The following MON2 variants were observed in gnomAD, a reference collection of about 807,000 sequenced individuals.
The protein encoded by MON2 is MON2 regulator of endosome-to-Golgi trafficking.
A neutral mutation model predicts 208.6 loss-of-function variants in MON2; 84 were observed. The observed-to-expected ratio is 0.40, with a 90% CI of 0.34 to 0.48. The LOEUF is 0.48. Among genes scored for constraint, MON2 ranks in the 20% least tolerant of loss-of-function variants. The pLI, the probability that MON2 is intolerant of heterozygous loss-of-function variation, is 0.59. For missense variants in MON2, 1,611 were observed against 2,015.4 expected (o/e 0.80, Z 3.84); for synonymous variants, 660 against 694.0 (o/e 0.95, Z 0.77).
chr12:62,519,053 C>T (rs1344280033), intron 8 of MON2, among the ~76,000 whole-genome samples: 1 of 152,098 alleles, frequency 6.6e-6, no homozygotes, highest in East Asian at 1.9e-4. Flanking sequence ...AGGAATAATT[C>T]TTATACTTTT....
At chr12:62,518,488 C>T (rs752597821) in intron 8 of MON2, among the ~76,000 whole-genome samples, 2 of 152,186 alleles carry the variant, frequency 1.3e-5, no homozygotes, top group Non-Finnish European at 2.9e-5. Context: ...ACACTTTTAA[C>T]CCCACTACAC....
chr12:62,489,009 G>T (rs191330739), intron 2 of MON2, among the ~76,000 whole-genome samples: 14 of 151,884 alleles, frequency 9.2e-5, no homozygotes, highest in Admixed American at 5.2e-4. Context: ...TAAAGAAAAA[G>T]AAATAAAAAA....
chr12:62,491,081 GTTA>G (rs1181098935), intron 2 of MON2, among the ~76,000 whole-genome samples: 1 of 152,136 alleles, frequency 6.6e-6, no homozygotes, highest in Non-Finnish European at 1.5e-5. Flanking sequence ...GGTTCTTCAT[GTTA>G]TTATCACATC....
chr12:62,478,972 A>G (rs530834536), intron 1 of MON2, among the ~76,000 whole-genome samples: 5 of 152,342 alleles, frequency 3.3e-5, no homozygotes, highest in East Asian at 1.9e-4. Flanking sequence ...GACTGGATAG[A>G]TGATGCTGCT....
chr12:62,535,719 GC>G lies in MON2; in HGVS notation c.1900+11del. The stretch of plus-strand genomic sequence containing the variant: ...ACACTTTCCAACAAATGTAAGACAG[GC>G]TTACTCAAAATTCTCTCTATGTAGT... On this transcript the variant is annotated intron_variant, in intron 14 of 34. Coordinates refer to ENST00000393630, the MANE Select transcript of MON2 (RefSeq NM_015026.3). 1 of 1,596,862 alleles carries G rather than the reference GC, an allele frequency of 6.3e-7. No homozygotes were observed. The highest frequency in any genetic ancestry group is 1.3e-5 in the African/African-American group (1 of 74,418).
intron 1 of MON2, among the ~76,000 whole-genome samples, chr12:62,474,861 T>C (rs1341139606): frequency 2.6e-5 from 4 of 152,232 alleles, no homozygotes; most frequent in Non-Finnish European, 5.9e-5. Flanking sequence ...TCATCTCTCT[T>C]TATTCACTGT....
At chr12:62,526,162 A>G in intron 11 of MON2, 60 bp downstream of exon 11, 1 of 1,492,174 alleles carries the variant, frequency 6.7e-7, no homozygotes, top group South Asian at 1.2e-5. Flanking sequence ...TATTTAACCT[A>G]AAATTCTTCT....
At chr12:62,516,958 G>A in intron 8 of MON2, among the ~76,000 whole-genome samples, 1 of 152,150 alleles carries the variant, frequency 6.6e-6, no homozygotes, top group East Asian at 1.9e-4. Context: ...AGTCACCATG[G>A]AAAGTCAACA....
intron 20 of MON2, 36 bp downstream of exon 20, chr12:62,543,234 A>G (rs1266092604): frequency 1.7e-6 from 2 of 1,181,500 alleles, no homozygotes; most frequent in East Asian, 5.6e-5. Flanking sequence ...TAATTTTTTA[A>G]TAAACATTTG....
chr12:62,467,922 C>A (rs2068594918), intron 1 of MON2, among the ~76,000 whole-genome samples: 2 of 151,450 alleles, frequency 1.3e-5, no homozygotes, highest in South Asian at 2.1e-4. Context: ...GAATTTAGTT[C>A]CAGCAATAAA....
chr12:62,583,975 C>CA (rs942616967), intron 32 of MON2, among the ~76,000 whole-genome samples: 11,521 of 119,124 alleles, frequency 0.097, 521 homozygotes, highest in African/African-American at 0.12. Flanking sequence ...AAAAAAAAAA[C>CA]AAAAAAAAAA....
rs770979528 is a variant in MON2, at chr12:62,596,279, A to G, written c.*3530A>G. 4 of 152,230 alleles carry G rather than the reference A, an allele frequency of 2.6e-5. No homozygotes were observed. The highest frequency in any genetic ancestry group is 4.4e-5 in the Non-Finnish European group (3 of 68,040). The allele number at this position is 152,230 out of a possible 1,614,324, so 9.4% of individuals were successfully genotyped here. On this transcript the variant is annotated 3_prime_UTR_variant, in exon 35 of 35. Coordinates refer to ENST00000393630, the MANE Select transcript of MON2 (RefSeq NM_015026.3). ...TTAAAATGACTAATATTTTCTCCCC[A>G]AATACAGAATAATTCAGATGGGCAA... is the stretch of plus-strand genomic sequence containing the variant.
At chr12:62,554,474 A>C (rs562871163) in intron 24 of MON2, among the ~76,000 whole-genome samples, 8 of 152,012 alleles carry the variant, frequency 5.3e-5, no homozygotes, top group African/African-American at 1.9e-4. Flanking sequence ...AAACACAGAA[A>C]TTATTCATAG....
At chr12:62,484,979 A>G (rs1171069048) in intron 2 of MON2, 1 of 150,972 alleles carries the variant, frequency 6.6e-6, no homozygotes, top group Non-Finnish European at 1.5e-5. Context: ...TCTATCTTAC[A>G]TAACAACCTT....
intron 1 of MON2, among the ~76,000 whole-genome samples, chr12:62,469,923 T>TTTATTTATTTATTTA (rs766894539): frequency 0.094 from 4,563 of 48,768 alleles, 133 homozygotes; most frequent in Non-Finnish European, 0.12. Context: ...TATTTATTTA[T>TTTATTTATTTATTTA]TTGAGACAGG....
intron 34 of MON2, among the ~76,000 whole-genome samples, chr12:62,592,278 AG>A (rs1449393937): frequency 6.6e-6 from 1 of 152,192 alleles, no homozygotes; most frequent in Non-Finnish European, 1.5e-5. Flanking sequence ...AAAATGACAA[AG>A]GTTTGGATTG....
chr12:62,472,443 A>G (rs951436118), intron 1 of MON2, among the ~76,000 whole-genome samples: 1 of 152,216 alleles, frequency 6.6e-6, no homozygotes, highest in Non-Finnish European at 1.5e-5. Flanking sequence ...CAGAATCAGT[A>G]AGGGTATAAA....
At chr12:62,550,909 C>CTTTTTTTTTTTTTTTTT (rs869160726) in intron 23 of MON2, among the ~76,000 whole-genome samples, 4 of 43,808 alleles carry the variant, frequency 9.1e-5, no homozygotes, top group African/African-American at 3.2e-4. Flanking sequence ...TTCTTTCTTT[C>CTTTTTTTTTTTTTTTTT]TTTTTTTTTT....
chr12:62,587,899 A>C (rs1004320212), intron 33 of MON2, 175 bp from the exon 34 acceptor site: 1 of 507,692 alleles, frequency 2.0e-6, no homozygotes, highest in Non-Finnish European at 3.5e-6. Flanking sequence ...ACTGAAGTAC[A>C]TATAAATAAA....
Sources: gnomAD v4.1 joint callset for allele counts (sites outside exome capture counted in the v4.1 genomes callset) on GRCh38, gnomAD v4.1.1 for gene constraint, MANE v1.5 for transcripts, NCBI Gene and HGNC (gene_info 2026-07-23, HGNC 2026-07-21) for gene names.